VPS8: variants seen among roughly 807,000 people sequenced by gnomAD.
VPS8 encodes the protein VPS8 subunit of CORVET complex.
VPS8 carries 129 observed loss-of-function variants against 216.4 expected under a neutral mutation model. That is an observed-to-expected ratio of 0.60 (90% CI 0.52 to 0.69). The LOEUF (loss-of-function observed/expected upper bound fraction) is 0.69, where lower values mean the gene tolerates loss of function less well. Among genes scored for constraint, VPS8 ranks in the 30% least tolerant of loss-of-function variants. The pLI is 0.00. For missense variants in VPS8, 1,531 were observed against 1,683.5 expected, an observed-to-expected ratio of 0.91 and a Z score of 1.59; for synonymous variants, 571 against 565.4, an observed-to-expected ratio of 1.01 and a Z score of -0.14.
At position 185,003,407 on chromosome 3, in the gene VPS8, C is replaced by T. The variant is rs577688990; in HGVS notation, c.4002+3546C>T. Among the ~76,000 whole-genome samples the T allele has an allele frequency of 6.9e-5, 10 of 144,872 alleles. No homozygotes were observed. The South Asian group carries it at 1.8e-3, about 27-fold the overall frequency. On this transcript the variant is annotated intron_variant, in intron 45 of 47. Transcript: ENST00000625842. Reference sequence around the variant, plus strand: ...CTGTTTAACAAAGCACATCTTGCACCGCCCTTAATCCATTTAACCCTGAGT... The same window carrying T: ...CTGTTTAACAAAGCACATCTTGCACTGCCCTTAATCCATTTAACCCTGAGT...
intron 36 of VPS8, among the ~76,000 whole-genome samples, chr3:184,948,046 G>C (rs1306215473): frequency 6.6e-6 from 1 of 152,062 alleles, no homozygotes; most frequent in Non-Finnish European, 1.5e-5. Flanking sequence ...TTTAATAACA[G>C]ATGTGCTATA....
chr3:184,920,540 T>A (rs1168785792), intron 29 of VPS8, among the ~76,000 whole-genome samples: 1 of 152,208 alleles, frequency 6.6e-6, no homozygotes, highest in Non-Finnish European at 1.5e-5. Context: ...TCTTCCTGTG[T>A]CTCATGCCAA....
chr3:184,832,741 T>G lies in VPS8; in HGVS notation c.275T>G (p.Ile92Ser). ...FILEDPTLLN[I>S]DTIDSHSYDT... ...CTTGAGGATCCTACATTGTTAAACATTGATACTATTGATTCTCACTCCTAT... is the reference window on the plus strand; with the variant it reads ...CTTGAGGATCCTACATTGTTAAACAGTGATACTATTGATTCTCACTCCTAT... The change falls in exon 4 of 48, where the codon ATT becomes AGT. Residue 92 changes from isoleucine to serine, a missense_variant. Physicochemically the swap from Ile to Ser is moderately radical, Grantham distance 142. Around this residue, in one of 3 missense-constraint regions of VPS8, gnomAD observed 199 missense variants for 182.2 expected, o/e 1.09. Coordinates refer to ENST00000625842, the MANE Select transcript of VPS8 (RefSeq NM_001009921.3). 6.2e-7 allele frequency: 1 copy of G among 1,608,350 alleles called. No individual in the cohort carries two copies. Among genetic ancestry groups the G allele is most frequent in the Admixed American group, 1.7e-5 (1 of 59,396 alleles).
chr3:184,979,823 C>T (rs967061056), intron 40 of VPS8, among the ~76,000 whole-genome samples: 3 of 152,140 alleles, frequency 2.0e-5, no homozygotes, highest in African/African-American at 7.2e-5. Context: ...TTGTTATGTG[C>T]AGATTTGATC....
chr3:184,993,916 A>G (rs899693645), intron 42 of VPS8, 67 bp from the exon 43 acceptor site: 14 of 1,295,584 alleles, frequency 1.1e-5, no homozygotes, highest in Admixed American at 2.9e-5. Context: ...GCTTTTTCAG[A>G]TAACTTACAT....
At chr3:184,948,581 A>G (rs1004428857) in intron 36 of VPS8, among the ~76,000 whole-genome samples, 1 of 152,182 alleles carries the variant, frequency 6.6e-6, no homozygotes, top group Non-Finnish European at 1.5e-5. Context: ...ACCAGTAGTA[A>G]ATCAGTGGCC....
chr3:184,925,931 G>A (rs1230359566), intron 30 of VPS8, among the ~76,000 whole-genome samples: 1 of 150,908 alleles, frequency 6.6e-6, no homozygotes, highest in South Asian at 2.1e-4. Context: ...ATACCACCAC[G>A]CCCGGCTAAT....
At position 184,852,429 on chromosome 3, in the gene VPS8, G is replaced by T. The variant is rs1434519507; in HGVS notation, c.754-71G>T. On this transcript the variant is annotated intron_variant, in intron 10 of 47. Coordinates refer to ENST00000625842, the MANE Select transcript of VPS8 (RefSeq NM_001009921.3). ...GTGTATATTGTAGTTTTTCAAAATT[G>T]TATAATTTTTTCCTCCTTAATACTT... is the stretch of plus-strand genomic sequence containing the variant. The T allele has an allele frequency of 7.9e-6, 11 of 1,400,382 alleles. No homozygotes were observed. In the Middle Eastern group the frequency reaches 2.0e-3, roughly 248 times the overall value. The allele number at this position is 1,400,382 out of a possible 1,614,324, so 86.7% of individuals were successfully genotyped here. A position where few individuals can be genotyped will look rare whatever the true frequency, so the allele number is the denominator to read the frequency against.
At chr3:184,860,464 C>CACAT (rs946196731) in intron 15 of VPS8, among the ~76,000 whole-genome samples, 2 of 78,124 alleles carry the variant, frequency 2.6e-5, no homozygotes, top group Non-Finnish European at 4.7e-5. Context: ...TGTATACACA[C>CACAT]ACATACACAC....
chr3:184,823,727 G>A (rs1285944349), intron 1 of VPS8, among the ~76,000 whole-genome samples: 1 of 152,114 alleles, frequency 6.6e-6, no homozygotes, highest in African/African-American at 2.4e-5. Flanking sequence ...TCATTTAAAA[G>A]CAGACTTAAT....
chr3:184,915,281 A>G, intron 27 of VPS8, 74 bp from the exon 28 acceptor site: 3 of 1,534,922 alleles, frequency 2.0e-6, no homozygotes, highest in Non-Finnish European at 2.6e-6. Flanking sequence ...TATTTTATCC[A>G]AATGAGAATC....
intron 22 of VPS8, among the ~76,000 whole-genome samples, chr3:184,892,402 A>C (rs1032459315): frequency 6.6e-6 from 1 of 152,124 alleles, no homozygotes; most frequent in Non-Finnish European, 1.5e-5. Context: ...TTTTTAGTAG[A>C]GACGGGGTTT....
At chr3:185,045,951 G>A (rs1052741475) in intron 46 of VPS8, among the ~76,000 whole-genome samples, 1 of 152,140 alleles carries the variant, frequency 6.6e-6, no homozygotes, top group Non-Finnish European at 1.5e-5. Context: ...TCAGGACCTC[G>A]TTTTCCACAG....
At chr3:184,994,969 C>T (rs192527156) in intron 43 of VPS8, among the ~76,000 whole-genome samples, 37 of 152,284 alleles carry the variant, frequency 2.4e-4, no homozygotes, top group South Asian at 1.5e-3. Flanking sequence ...CTTATAATAC[C>T]GTCTGCTCTT....
At chr3:185,047,649 G>A (rs144725969) in intron 46 of VPS8, among the ~76,000 whole-genome samples, 9 of 152,158 alleles carry the variant, frequency 5.9e-5, no homozygotes, top group East Asian at 1.9e-4. Context: ...CTGAGCCCTC[G>A]CCTGGTACTA....
chr3:184,935,280 G>A (rs939754359), intron 34 of VPS8, among the ~76,000 whole-genome samples: 9 of 152,078 alleles, frequency 5.9e-5, no homozygotes, highest in African/African-American at 2.2e-4. Flanking sequence ...ATTCATCGTA[G>A]CTTGTTTTTG....
At chr3:184,945,530 C>T (rs1743519173) in intron 36 of VPS8, among the ~76,000 whole-genome samples, 1 of 152,140 alleles carries the variant, frequency 6.6e-6, no homozygotes, top group South Asian at 2.1e-4. Flanking sequence ...TCTACCTTGT[C>T]ACCACACCGC....
At chr3:184,877,081 C>G (rs186391517) in intron 21 of VPS8, among the ~76,000 whole-genome samples, 2 of 152,262 alleles carry the variant, frequency 1.3e-5, no homozygotes, top group African/African-American at 4.8e-5. Flanking sequence ...CTTAACATCC[C>G]TGTTCTCTCT....
rs577232987 is a variant in VPS8 at position 185,047,843 on chromosome 3, T to C, written c.4057-636T>C. Among the ~76,000 whole-genome samples, 184 of 152,246 alleles carry C rather than the reference T, an allele frequency of 1.2e-3. 1 individual carries two copies. Among genetic ancestry groups the C allele is most frequent in the Non-Finnish European group, 2.2e-3 (151 of 68,000 alleles). ...GATTCTCCTCTGACTCCAAAGCTTA[T>C]GGCCGCCTCCCCCAGGATCCCATTT... On this transcript the variant is annotated intron_variant, in intron 46 of 47. Coordinates refer to ENST00000625842, the MANE Select transcript of VPS8 (RefSeq NM_001009921.3).
Sources: gnomAD v4.1 joint callset for allele counts (sites outside exome capture counted in the v4.1 genomes callset) on GRCh38, gnomAD v4.1.1 for gene constraint, gnomAD v4.1.1 regional missense constraint, MANE v1.5 for transcripts, NCBI Gene and HGNC (gene_info 2026-07-23, HGNC 2026-07-21) for gene names.